The following SPDYE16 variants were observed in gnomAD, a reference collection of about 807,000 sequenced individuals.
SPDYE16 encodes speedy protein E16.
In SPDYE16, 5 loss-of-function variants were observed where a neutral mutation model predicts 40.1. The ratio of observed to expected loss-of-function variants is 0.12; its 90% CI spans 0.07 to 0.26. SPDYE16 has a LOEUF of 0.26. SPDYE16 is among the 10% of genes least tolerant of loss of function. The probability of loss-of-function intolerance (pLI) is 1.00; values close to 1 mark genes in which losing one functional copy is unlikely to be tolerated. For synonymous variants in SPDYE16, 40 were observed against 154.2 expected, an observed-to-expected ratio of 0.26 and a Z score of 5.49; for missense variants, 98 against 409.8, an observed-to-expected ratio of 0.24 and a Z score of 6.57.
chr7:76,536,147 G>A (rs1813036767), intron 6 of SPDYE16, 25 bp downstream of exon 6: 4 of 491,406 alleles, frequency 8.1e-6, no homozygotes, highest in Non-Finnish European at 1.4e-5. Flanking sequence ...GGATATTGAC[G>A]GATAGGAGGA....
At position 76,539,447 on chromosome 7, in the gene SPDYE16, C is replaced by CTTT. The variant is rs1193621613; in HGVS notation, c.380-634_380-632dup. On this transcript the variant is annotated intron_variant, in intron 3 of 8. Coordinates refer to ENST00000633306, the MANE Select transcript of SPDYE16 (RefSeq NM_001394943.1). ...CTGACTTCTGGGCCCGCCCTTCCTT[C>CTTT]TTTTTTTTTTTTTTTTTTTTTTTTT... Among the ~76,000 whole-genome samples the CTTT allele has an allele frequency of 4.0e-3, 121 of 30,258 alleles. 2 individuals are homozygous for CTTT. The highest frequency in any genetic ancestry group is 4.7e-3 in the East Asian group (8 of 1,702). The allele number at this position is 30,258 out of a possible 152,430, so 19.9% of individuals were successfully genotyped here. A position where few individuals can be genotyped will look rare whatever the true frequency, so the allele number is the denominator to read the frequency against.
In SPDYE16 at chr7:76,533,481, T is replaced by C. The variant is rs1216887335; in HGVS notation, c.*45+168A>G. The C allele has an allele frequency of 4.2e-6, 3 of 722,820 alleles. 1 individual carries two copies. Among genetic ancestry groups the C allele is most frequent in the Admixed American group, 4.0e-5 (1 of 25,268 alleles). The allele number at this position is 722,820 out of a possible 1,614,324, so 44.8% of individuals were successfully genotyped here. On this transcript the variant is annotated intron_variant, in intron 8 of 8. Coordinates refer to ENST00000633306, the MANE Select transcript of SPDYE16 (RefSeq NM_001394943.1). ...CCTCCCGCCTCAGCCTCCTGAGTAG[T>C]TGGGAGTAGAGATGCATCCCACGTC...
In SPDYE16 at chr7:76,541,330, C is replaced by G. The variant is rs1231941141; in HGVS notation, c.130G>C (p.Val44Leu). Residue 44 changes from valine to leucine, a missense_variant, in exon 2 of 9, where the codon GTG becomes CTG. Transcript: ENST00000633306. Reference sequence around the variant, plus strand: ...GATCCCAACACTTCATCATCCACCACCTCCTGGAGGGAGTACCCCGAGGTG... The same window carrying G: ...GATCCCAACACTTCATCATCCACCAGCTCCTGGAGGGAGTACCCCGAGGTG... ...RSTSGYSLQEVVDDEVLGSSA... is the reference protein window; with the variant it reads ...RSTSGYSLQELVDDEVLGSSA... 4 of 1,534,724 alleles carry G rather than the reference C, an allele frequency of 2.6e-6. No homozygotes were observed. The highest frequency in any genetic ancestry group is 2.6e-6 in the Non-Finnish European group (3 of 1,146,664).
At chr7:76,542,270 A>AT (rs1205917669) in intron 1 of SPDYE16, among the ~76,000 whole-genome samples, 4 of 151,488 alleles carry the variant, frequency 2.6e-5, no homozygotes, top group African/African-American at 9.7e-5. Context: ...TCCAAGAGAC[A>AT]TTTTGAGGCC....
chr7:76,537,651 C>T lies in SPDYE16; in HGVS notation c.611-100G>A, dbSNP rs1813067363. 2.4e-6 allele frequency: 2 copies of T among 844,916 alleles called. 1 individual carries two copies. Among genetic ancestry groups the T allele is most frequent in the African/African-American group, 8.0e-5 (2 of 24,992 alleles). 52.3% of individuals were successfully genotyped at this position (844,916 alleles called of 1,614,324 possible). A position where few individuals can be genotyped will look rare whatever the true frequency, so the allele number is the denominator to read the frequency against. The stretch of plus-strand genomic sequence containing the variant: ...AGTGTGCCTCCCGGGGGGAAAGTCT[C>T]AGGATTGTGGCCGCGGGTGAGGTGG... On this transcript the variant is annotated intron_variant, in intron 4 of 8. Transcript: ENST00000633306.
Position 76,541,295 on chromosome 7 carries a change from C to T in SPDYE16, c.160+5G>A. The T allele has an allele frequency of 6.5e-7, 1 of 1,534,028 alleles. No individual in the cohort carries two copies. Among genetic ancestry groups the T allele is most frequent in the Admixed American group, 2.0e-5 (1 of 50,926 alleles). ...TCCCACCTCTTCTTCCACCAGTCCC[C>T]TCACCTGATGATCCCAACACTTCAT... On this transcript the variant is annotated splice_donor_5th_base_variant and intron_variant, in intron 2 of 8. Coordinates refer to ENST00000633306, the MANE Select transcript of SPDYE16 (RefSeq NM_001394943.1).
intron 8 of SPDYE16, 36 bp downstream of exon 8, chr7:76,533,613 A>G (rs1252531808): frequency 1.0e-6 from 1 of 961,368 alleles, no homozygotes; most frequent in South Asian, 1.8e-5. Context: ...AATAGACCCC[A>G]ATATTCTGCC....
intron 6 of SPDYE16, among the ~76,000 whole-genome samples, chr7:76,534,331 ACT>A (rs1812989716): frequency 1.1e-5 from 1 of 87,336 alleles, no homozygotes; most frequent in Non-Finnish European, 2.3e-5. Flanking sequence ...CAAAAACCCA[ACT>A]GGTGGCCGAG....
chr7:76,533,847 C>A lies in SPDYE16; in HGVS notation c.999+29G>T. 6.8e-6 allele frequency: 8 copies of A among 1,175,110 alleles called. 2 individuals are homozygous for A. The South Asian group carries it at 1.1e-4, about 17-fold the overall frequency. 72.8% of individuals were successfully genotyped at this position (1,175,110 alleles called of 1,614,324 possible). On this transcript the variant is annotated intron_variant, in intron 7 of 8. Transcript: ENST00000633306. Reference sequence around the variant, plus strand: ...CTCCAGCCCACCCGATTCCTCCCCACCTCCTCCACCTCCCCAGGCCCCACT... The same window carrying A: ...CTCCAGCCCACCCGATTCCTCCCCAACTCCTCCACCTCCCCAGGCCCCACT...
Position 76,541,318 on chromosome 7 carries a change from C to A in SPDYE16, c.142G>T (p.Glu48Ter). The A allele has an allele frequency of 6.5e-7, 1 of 1,534,766 alleles. No individual in the cohort carries two copies. The highest frequency in any genetic ancestry group is 1.2e-5 in the South Asian group (1 of 83,954). ...CCCTCACCTGATGATCCCAACACTT[C>A]ATCATCCACCACCTCCTGGAGGGAG... is the stretch of plus-strand genomic sequence containing the variant. ...GYSLQEVVDD[E>*]VLGSSAPGVD... The change falls in exon 2 of 9, where the codon GAA becomes TAA. Residue 48 changes from glutamate to a stop codon, truncating the protein, a stop_gained. Transcript: ENST00000633306. LOFTEE classifies it high-confidence loss of function.
At chr7:76,540,728 G>T (rs1225227605) in intron 2 of SPDYE16, among the ~76,000 whole-genome samples, 1 of 109,142 alleles carries the variant, frequency 9.2e-6, no homozygotes, top group Non-Finnish European at 1.8e-5. Flanking sequence ...CTCTCAGGTA[G>T]CTGGGATTAC....
intron 1 of SPDYE16, among the ~76,000 whole-genome samples, chr7:76,542,145 G>C (rs1343634932): frequency 5.3e-5 from 8 of 151,338 alleles, no homozygotes; most frequent in African/African-American, 1.9e-4. Context: ...TGATGAAAAA[G>C]TCACATCAGA....
In SPDYE16 at chr7:76,540,224, C is replaced by A. The variant is rs1813142257; in HGVS notation, c.283G>T (p.Val95Leu). ...ELAPEPEETW[V>L]VEMLCGLKMK... ...TTGAGCCCACACAGCATCTCCACTA[C>A]CCAGGTCTCCTCAGGCTCAGGGGCG... The change falls in exon 3 of 9, where the codon GTA becomes TTA. Residue 95 changes from valine (V) to leucine (L), a missense_variant. Coordinates refer to ENST00000633306, the MANE Select transcript of SPDYE16 (RefSeq NM_001394943.1). The A allele has an allele frequency of 1.4e-6, 2 of 1,404,294 alleles. No individual in the cohort carries two copies. Among genetic ancestry groups the A allele is most frequent in the Non-Finnish European group, 1.9e-6 (2 of 1,036,952 alleles). The allele number at this position is 1,404,294 out of a possible 1,614,324, so 87.0% of individuals were successfully genotyped here.
At chr7:76,534,701 G>A (rs1211448965) in intron 6 of SPDYE16, among the ~76,000 whole-genome samples, 3 of 146,246 alleles carry the variant, frequency 2.1e-5, no homozygotes, top group Non-Finnish European at 4.5e-5. Context: ...GTTGCAGTGA[G>A]TCGAGATTGG....
chr7:76,537,039 T>C (rs1254060669), intron 5 of SPDYE16, among the ~76,000 whole-genome samples: 1 of 53,352 alleles, frequency 1.9e-5, no homozygotes, highest in Admixed American at 1.9e-4. Context: ...AATGTGTGGG[T>C]GCCAAGACTC....
intron 6 of SPDYE16, among the ~76,000 whole-genome samples, chr7:76,535,483 A>G (rs1813019522): frequency 1.3e-5 from 1 of 76,800 alleles, no homozygotes; most frequent in African/African-American, 7.5e-5. Context: ...GGGGACCTGA[A>G]CTGTGGCCTC....
chr7:76,538,464 C>T (rs1813087259), intron 4 of SPDYE16, 122 bp downstream of exon 4: 1 of 669,278 alleles, frequency 1.5e-6, no homozygotes, highest in Non-Finnish European at 2.4e-6. Flanking sequence ...ACTTCACATT[C>T]CTCCCACATG....
At chr7:76,541,943 TAAGAGTGAGATTATCATGTAC>T (rs1563775709) in intron 1 of SPDYE16, among the ~76,000 whole-genome samples, 63 bp from the exon 2 acceptor site, 29 of 125,878 alleles carry the variant, frequency 2.3e-4, no homozygotes, top group Admixed American at 3.9e-4. Context: ...TGAAACCTTA[TAAGAGTGAGATTATCATGTAC>T]AAGAGTGAGA....
rs1484930278 is a variant in SPDYE16 at position 76,537,574 on chromosome 7, A to C, written c.611-23T>G. ...CCTCTGTGATTAGAGAGCAGATGTC[A>C]GTGTGAGAAGCAGGACAGGGTTTCC... is the stretch of plus-strand genomic sequence containing the variant. On this transcript the variant is annotated intron_variant, in intron 4 of 8. Transcript: ENST00000633306. 23 of 755,066 alleles carry C rather than the reference A, an allele frequency of 3.0e-5. 7 individuals carry two copies. Among genetic ancestry groups the C allele is most frequent in the Admixed American group, 5.7e-5 (2 of 34,968 alleles). The allele number at this position is 755,066 out of a possible 1,614,324, so 46.8% of individuals were successfully genotyped here. A position where few individuals can be genotyped will look rare whatever the true frequency, so the allele number is the denominator to read the frequency against.
Sources: allele counts gnomAD v4.1 joint callset (sites outside exome capture counted in the v4.1 genomes callset), GRCh38; gene constraint gnomAD v4.1.1; transcripts MANE v1.5; gene names NCBI Gene and HGNC (gene_info 2026-07-23, HGNC 2026-07-21).